The following USP43 variants were observed in gnomAD, a reference collection of about 807,000 sequenced individuals.
The protein encoded by USP43 is ubiquitin specific peptidase 43, also known as ubiquitin carboxyl-terminal hydrolase 43.
Under a neutral mutation model 90.7 loss-of-function variants are expected in USP43, and 33 were observed. The observed-to-expected ratio is 0.36, with a 90% CI of 0.28 to 0.49. USP43 has a LOEUF of 0.49. Ranked by LOEUF, USP43 falls within the 20% of genes least tolerant of loss-of-function variation. The pLI is 0.98. For missense variants in USP43, 1,274 were observed against 1,476.4 expected, an observed-to-expected ratio of 0.86 and a Z score of 2.25; for synonymous variants, 598 against 615.8, an observed-to-expected ratio of 0.97 and a Z score of 0.43.
At chr17:9,661,254 G>A (rs1030413729) in intron 2 of USP43, among the ~76,000 whole-genome samples, 2 of 152,220 alleles carry the variant, frequency 1.3e-5, no homozygotes, top group Admixed American at 1.3e-4. Context: ...TTAAGTAGGG[G>A]ATGAGGCTGG....
intron 3 of USP43, among the ~76,000 whole-genome samples, chr17:9,673,705 TCTTA>T (rs1490775914): frequency 1.3e-4 from 20 of 152,336 alleles, no homozygotes; most frequent in Non-Finnish European, 2.6e-4. Flanking sequence ...AGCCTAGCTT[TCTTA>T]CTTAAGAGCT....
intron 8 of USP43, among the ~76,000 whole-genome samples, chr17:9,689,386 G>GA (rs1174329043): frequency 6.7e-6 from 1 of 149,416 alleles, no homozygotes; most frequent in Admixed American, 6.7e-5. Flanking sequence ...CATGTATTAT[G>GA]AAAAAAATAA....
At chr17:9,696,116 T>G (rs1915241909) in intron 9 of USP43, among the ~76,000 whole-genome samples, 1 of 151,784 alleles carries the variant, frequency 6.6e-6, no homozygotes, top group Non-Finnish European at 1.5e-5. Flanking sequence ...GGGTTCCATT[T>G]ATGGGTGTTT....
intron 1 of USP43, 72 bp from the exon 2 acceptor site, chr17:9,656,331 G>C: frequency 6.5e-7 from 1 of 1,545,306 alleles, no homozygotes; most frequent in Non-Finnish European, 8.8e-7. Context: ...TGGTAGACCT[G>C]GTGCTCACAG....
At chr17:9,696,743 C>T (rs577295209) in intron 9 of USP43, among the ~76,000 whole-genome samples, 62 of 152,316 alleles carry the variant, frequency 4.1e-4, no homozygotes, top group Admixed American at 9.1e-4. Context: ...CCAGTGCCCA[C>T]GGGATAAAGT....
chr17:9,704,290 A>G (rs1049419737), intron 12 of USP43, among the ~76,000 whole-genome samples: 7 of 152,124 alleles, frequency 4.6e-5, no homozygotes, highest in Middle Eastern at 3.4e-3. Flanking sequence ...GGTCTGGGAA[A>G]TATCTTTGTG....
At position 9,712,100 on chromosome 17, in the gene USP43, T is replaced by C. The variant is rs781385934; in HGVS notation, c.2303T>C (p.Ile768Thr). Residue 768 changes from isoleucine to threonine, a missense_variant, in exon 14 of 15, where the codon ATC (isoleucine) becomes ACC (threonine). Ile to Thr is a moderately conservative substitution (Grantham distance 89, BLOSUM62 -1). Around this residue, in one of 6 missense-constraint regions of USP43, gnomAD observed 285 missense variants for 349.6 expected, o/e 0.82. Coordinates refer to ENST00000285199, the MANE Select transcript of USP43 (RefSeq NM_153210.5). ...PSLPQVPDSP[I>T]FTNSLCNQEK... is the part of the protein sequence containing the mutation. Reference sequence around the variant, plus strand: ...CTGCCCCAGGTTCCTGACTCTCCCATCTTCACCAACAGCCTCTGCAATCAG... The same window carrying C: ...CTGCCCCAGGTTCCTGACTCTCCCACCTTCACCAACAGCCTCTGCAATCAG... 6.2e-7 allele frequency: 1 copy of C among 1,605,434 alleles called. No individual in the cohort carries two copies. Among genetic ancestry groups the C allele is most frequent in the Non-Finnish European group, 8.5e-7 (1 of 1,175,560 alleles).
In USP43 at chr17:9,728,123, C is replaced by G; in HGVS notation, c.2505C>G (p.Tyr835Ter). 6.2e-7 allele frequency: 1 copy of G among 1,613,918 alleles called. No homozygotes were observed. Among genetic ancestry groups the G allele is most frequent in the Non-Finnish European group, 8.5e-7 (1 of 1,179,880 alleles). ...PPGASVELVE[Y>*]LESRRRPRST... Reference sequence around the variant, plus strand: ...GTGCCTCCGTCGAGTTGGTGGAGTACTTGGAATCCAGACGAAGACCTCGGT... The same window carrying G: ...GTGCCTCCGTCGAGTTGGTGGAGTAGTTGGAATCCAGACGAAGACCTCGGT... Residue 835 changes from tyrosine to a stop codon, truncating the protein, a stop_gained, in exon 15 of 15, where the codon TAC becomes TAG. Transcript: ENST00000285199. LOFTEE classifies it low-confidence loss of function (END_TRUNC). This position sits in a 1 kb window ranked among gnomAD's most constrained non-coding sequence, Gnocchi z 6.2.
At position 9,686,848 on chromosome 17, in the gene USP43, A is replaced by G. The variant is rs1179003265; in HGVS notation, c.1292A>G (p.Gln431Arg). Residue 431 changes from glutamine to arginine, a missense_variant, in exon 8 of 15, where the codon CAG becomes CGG. Gln to Arg is a conservative substitution (Grantham distance 43). Coordinates refer to ENST00000285199, the MANE Select transcript of USP43 (RefSeq NM_153210.5). The surrounding 1 kb of genome is among the most constrained non-coding windows in gnomAD (Gnocchi z 5.5). ...GAAGACAGAGCTGTTTCCTGGGCCC[A>G]GCTCCAGCAGTCTATCCTCAGCAAG... The part of the protein sequence containing the change: ...IREDRAVSWA[Q>R]LQQSILSKVR... The G allele has an allele frequency of 3.7e-6, 6 of 1,613,910 alleles. No individual in the cohort carries two copies. Among genetic ancestry groups the G allele is most frequent in the Non-Finnish European group, 5.1e-6 (6 of 1,179,874 alleles).
chr17:9,706,868 C>A (rs1033430341), intron 12 of USP43, among the ~76,000 whole-genome samples: 1 of 151,946 alleles, frequency 6.6e-6, no homozygotes, highest in Non-Finnish European at 1.5e-5. Flanking sequence ...TGGTCTTGAA[C>A]TCCTGACCTC....
At chr17:9,707,386 C>T (rs1320182090) in intron 12 of USP43, among the ~76,000 whole-genome samples, 1 of 152,114 alleles carries the variant, frequency 6.6e-6, no homozygotes, top group Non-Finnish European at 1.5e-5. Context: ...GTGGCTCACG[C>T]CTGTAATCCC....
chr17:9,684,224 C>T (rs1382524181), intron 7 of USP43, among the ~76,000 whole-genome samples: 1 of 151,986 alleles, frequency 6.6e-6, no homozygotes, highest in East Asian at 1.9e-4. Context: ...GCTAGTTTAA[C>T]ATCAAAGTCA....
chr17:9,647,061 C>CAAAA (rs11305216), intron 1 of USP43: 7 of 79,776 alleles, frequency 8.8e-5, no homozygotes, highest in African/African-American at 1.4e-4. Flanking sequence ...TTGCTTCCTG[C>CAAAA]AAAAAAAAAA....
rs1486017938 is a variant in USP43, at chr17:9,681,473, T to C, written c.1105+1107T>C. Among the ~76,000 whole-genome samples, 3 of 18,002 alleles carry C rather than the reference T, an allele frequency of 1.7e-4. No individual in the cohort carries two copies. The Admixed American group carries it at 2.3e-3, about 14-fold the overall frequency. The allele number at this position is 18,002 out of a possible 152,430, so 11.8% of individuals were successfully genotyped here. ...ATATATAAAATATATTATATATATA[T>C]ATATATATATATATATATATATATA... is the stretch of plus-strand genomic sequence containing the variant. On this transcript the variant is annotated intron_variant, in intron 6 of 14. Transcript: ENST00000285199.
chr17:9,660,055 A>G (rs1405971422), intron 2 of USP43, among the ~76,000 whole-genome samples: 2 of 152,172 alleles, frequency 1.3e-5, no homozygotes, highest in African/African-American at 4.8e-5. Flanking sequence ...CCCAGTTGAG[A>G]GCTACTGCTC....
intron 2 of USP43, among the ~76,000 whole-genome samples, chr17:9,665,174 G>A (rs1216453916): frequency 1.3e-5 from 2 of 152,146 alleles, no homozygotes; most frequent in Non-Finnish European, 2.9e-5. Context: ...GTCCAGAGGA[G>A]TTTGGTGGCA....
At chr17:9,724,302 G>T (rs1285068204) in intron 14 of USP43, among the ~76,000 whole-genome samples, 1 of 152,120 alleles carries the variant, frequency 6.6e-6, no homozygotes, top group Admixed American at 6.6e-5. Context: ...AGGAAAGTTG[G>T]GGGGTAGGCT....
rs1212556804 is a variant in USP43 at position 9,709,942 on chromosome 17, T to C, written c.2012-14T>C. 2.8e-6 allele frequency: 4 copies of C among 1,413,616 alleles called. No homozygotes were observed. The highest frequency in any genetic ancestry group is 5.3e-5 in the Admixed American group (2 of 37,920). The allele number at this position is 1,413,616 out of a possible 1,614,324, so 87.6% of individuals were successfully genotyped here. On this transcript the variant is annotated splice_polypyrimidine_tract_variant and intron_variant, in intron 12 of 14. Coordinates refer to ENST00000285199, the MANE Select transcript of USP43 (RefSeq NM_153210.5). This position sits in a 1 kb window ranked among gnomAD's most constrained non-coding sequence, Gnocchi z 5.0. The stretch of plus-strand genomic sequence containing the variant: ...GGCTCCAATAACTCAGACTTGGGGA[T>C]GGGACCTTTGCAGCCTACTGCCGGA...
At chr17:9,649,418 T>A (rs1911700433) in intron 1 of USP43, among the ~76,000 whole-genome samples, 1 of 152,042 alleles carries the variant, frequency 6.6e-6, no homozygotes, top group Non-Finnish European at 1.5e-5. Context: ...ATGTGCAGGT[T>A]TGTTATAAGG....
Sources: gnomAD v4.1 joint callset for allele counts (sites outside exome capture counted in the v4.1 genomes callset) on GRCh38, gnomAD v4.1.1 for gene constraint, gnomAD v4.1.1 regional missense constraint, Gnocchi (gnomAD v3.1) non-coding constraint, MANE v1.5 for transcripts, NCBI Gene and HGNC (gene_info 2026-07-23, HGNC 2026-07-21) for gene names.